The following CFAP54 variants were observed in gnomAD, a reference collection of about 807,000 sequenced individuals.
CFAP54 encodes cilia and flagella associated protein 54, also known as cilia- and flagella-associated protein 54.
In CFAP54, 290 loss-of-function variants were observed where a neutral mutation model predicts 370.4. The observed-to-expected ratio is 0.78, with a 90% CI of 0.71 to 0.86. CFAP54 has a LOEUF of 0.86. Among genes scored for constraint, CFAP54 ranks in the 40% least tolerant of loss-of-function variants. The pLI, the probability that CFAP54 is intolerant of heterozygous loss-of-function variation, is 0.00. For missense variants in CFAP54, 3,399 were observed against 3,528.7 expected (o/e 0.96, Z 0.93); for synonymous variants, 1,206 against 1,236.5 (o/e 0.98, Z 0.52).
In CFAP54 at chr12:96,720,564, A is replaced by G; in HGVS notation, c.6964A>G (p.Ser2322Gly). 1.3e-6 allele frequency: 2 copies of G among 1,531,176 alleles called. No individual in the cohort carries two copies. The highest frequency in any genetic ancestry group is 8.8e-7 in the Non-Finnish European group (1 of 1,135,098). 94.8% of individuals were successfully genotyped at this position (1,531,176 alleles called of 1,614,324 possible). The change falls in exon 50 of 68, where the codon AGT (serine) becomes GGT (glycine). Residue 2322 changes from serine (S) to glycine (G), a missense_variant and splice_region_variant. Physicochemically the swap from Ser to Gly is moderately conservative, Grantham distance 56. Around this residue, in one of 3 missense-constraint regions of CFAP54, gnomAD observed 2,796 missense variants for 2,869.7 expected, o/e 0.97. Coordinates refer to ENST00000524981, the MANE Select transcript of CFAP54 (RefSeq NM_001306084.2). ...TCTGCAGAGGCACCGGGCGGCATAC[A>G]GGTGCGTCTCTCCATGCACAGGGGA... ...VALQRHRAAYSAAIVFSTLTL... is the reference protein window; with the variant it reads ...VALQRHRAAYGAAIVFSTLTL...
chr12:96,869,060 A>T (rs1006487222), intron 67 of CFAP54, among the ~76,000 whole-genome samples: 3 of 152,220 alleles, frequency 2.0e-5, no homozygotes, highest in Non-Finnish European at 4.4e-5. Context: ...CAAGGACTGT[A>T]GACTTTTCTT....
At chr12:96,587,987 G>T (rs979272050) in intron 22 of CFAP54, among the ~76,000 whole-genome samples, 1 of 152,122 alleles carries the variant, frequency 6.6e-6, no homozygotes, top group African/African-American at 2.4e-5. Flanking sequence ...TGGCAACAGA[G>T]CTCACTTCGT....
At position 96,857,376 on chromosome 12, in the gene CFAP54, G is replaced by A. The variant is rs576048537; in HGVS notation, c.9172-3443G>A. Among the ~76,000 whole-genome samples the A allele has an allele frequency of 2.0e-4, 30 of 152,256 alleles. No individual in the cohort carries two copies. In the South Asian group the frequency reaches 2.9e-3, roughly 15 times the overall value. On this transcript the variant is annotated intron_variant, in intron 66 of 67. Coordinates refer to ENST00000524981, the MANE Select transcript of CFAP54 (RefSeq NM_001306084.2). ...CTCATAATTTAGCTTCCACTTGTAA[G>A]TGAAAATGTGGTATTTGGTTTTCTG...
At chr12:96,721,882 A>G (rs1188171682) in intron 50 of CFAP54, among the ~76,000 whole-genome samples, 1 of 152,214 alleles carries the variant, frequency 6.6e-6, no homozygotes, top group African/African-American at 2.4e-5. Flanking sequence ...GATAAGTGCT[A>G]TGGAGAATAT....
intron 51 of CFAP54, 97 bp from the exon 52 acceptor site, chr12:96,742,342 A>G: frequency 1.3e-6 from 1 of 777,712 alleles, no homozygotes; most frequent in Non-Finnish European, 2.1e-6. Context: ...CTGTGGAATG[A>G]TACCAGATGC....
chr12:96,838,074 G>C (rs1267413898), intron 66 of CFAP54, among the ~76,000 whole-genome samples: 1 of 152,216 alleles, frequency 6.6e-6, no homozygotes, highest in South Asian at 2.1e-4. Context: ...TTTGGAAAAT[G>C]ATTGGAAAGT....
At chr12:96,540,522 A>C (rs1244951766) in intron 13 of CFAP54, among the ~76,000 whole-genome samples, 2 of 152,242 alleles carry the variant, frequency 1.3e-5, no homozygotes, top group Non-Finnish European at 2.9e-5. Context: ...TTGAGGATAC[A>C]GATACTATTC....
At chr12:96,575,890 C>T (rs1955970367) in intron 19 of CFAP54, among the ~76,000 whole-genome samples, 1 of 152,002 alleles carries the variant, frequency 6.6e-6, no homozygotes, top group Admixed American at 6.6e-5. Flanking sequence ...TTACTTAGAG[C>T]TCAGTTAGAG....
intron 40 of CFAP54, among the ~76,000 whole-genome samples, chr12:96,680,137 A>G (rs952533099): frequency 6.6e-6 from 1 of 152,266 alleles, no homozygotes; most frequent in Non-Finnish European, 1.5e-5. Flanking sequence ...CCAAAACACT[A>G]CTTTATCAGT....
At chr12:96,528,006 T>C (rs911792089) in intron 9 of CFAP54, among the ~76,000 whole-genome samples, 2 of 152,192 alleles carry the variant, frequency 1.3e-5, no homozygotes, top group Non-Finnish European at 2.9e-5. Context: ...GTCCAATCCT[T>C]AATCTTTTAA....
At chr12:96,836,880 T>A (rs1349319147) in intron 66 of CFAP54, among the ~76,000 whole-genome samples, 1 of 152,242 alleles carries the variant, frequency 6.6e-6, no homozygotes, top group Non-Finnish European at 1.5e-5. Flanking sequence ...CAGACTATAG[T>A]GCAGTGGTGT....
At chr12:96,825,802 A>G (rs1959093033) in intron 65 of CFAP54, among the ~76,000 whole-genome samples, 1 of 130,598 alleles carries the variant, frequency 7.7e-6, no homozygotes, top group Non-Finnish European at 1.5e-5. Context: ...TATATATTAC[A>G]TATTATAATA....
chr12:96,609,170 G>A (rs1956329872), intron 26 of CFAP54, among the ~76,000 whole-genome samples: 1 of 151,936 alleles, frequency 6.6e-6, no homozygotes, highest in Admixed American at 6.6e-5. Context: ...AGAACAGAGA[G>A]TGTTTATGTA....
intron 32 of CFAP54, among the ~76,000 whole-genome samples, chr12:96,638,392 C>T (rs1347416454): frequency 6.6e-6 from 1 of 151,428 alleles, no homozygotes; most frequent in East Asian, 1.9e-4. Context: ...TGTACCACCA[C>T]ACCTGGCTAA....
intron 26 of CFAP54, among the ~76,000 whole-genome samples, chr12:96,621,369 C>T (rs908443895): frequency 2.6e-5 from 4 of 152,004 alleles, no homozygotes; most frequent in Admixed American, 6.6e-5. Flanking sequence ...GATGAGATCC[C>T]GTTATTAGTC....
intron 65 of CFAP54, among the ~76,000 whole-genome samples, chr12:96,827,852 A>G (rs1376238121): frequency 8.8e-6 from 1 of 113,866 alleles, no homozygotes; most frequent in Non-Finnish European, 1.6e-5. Flanking sequence ...ATAATTATAT[A>G]TAATACATAG....
chr12:96,730,739 T>G (rs1438858491), intron 50 of CFAP54, among the ~76,000 whole-genome samples: 3 of 152,226 alleles, frequency 2.0e-5, no homozygotes, highest in African/African-American at 7.2e-5. Flanking sequence ...GAATCCCACT[T>G]ATATGTTTCC....
chr12:96,544,908 T>A (rs986760738), intron 14 of CFAP54, among the ~76,000 whole-genome samples: 2 of 151,456 alleles, frequency 1.3e-5, no homozygotes, highest in African/African-American at 4.8e-5. Flanking sequence ...CTCTTCCTTT[T>A]CTTTTTTTTT....
At chr12:96,599,582 A>G (rs920672132) in intron 26 of CFAP54, among the ~76,000 whole-genome samples, 1 of 152,208 alleles carries the variant, frequency 6.6e-6, no homozygotes. Context: ...AGGAATTGCC[A>G]CACTGTCTTC....
Sources: gnomAD v4.1 joint callset for allele counts (sites outside exome capture counted in the v4.1 genomes callset) on GRCh38, gnomAD v4.1.1 for gene constraint, gnomAD v4.1.1 regional missense constraint, MANE v1.5 for transcripts, NCBI Gene and HGNC (gene_info 2026-07-23, HGNC 2026-07-21) for gene names.